SV2C: variants seen among roughly 807,000 people sequenced by gnomAD.
The protein encoded by SV2C is synaptic vesicle glycoprotein 2C.
Under a neutral mutation model 79.7 loss-of-function variants are expected in SV2C, and 49 were observed. That is an observed-to-expected ratio of 0.61 (90% CI 0.49 to 0.78). SV2C has a LOEUF of 0.78. Ranked by LOEUF, SV2C falls within the 30% of genes least tolerant of loss-of-function variation. The pLI is 0.00. For synonymous variants in SV2C, 334 were observed against 333.2 expected, an observed-to-expected ratio of 1.00 and a Z score of -0.03; for missense variants, 833 against 912.9, an observed-to-expected ratio of 0.91 and a Z score of 1.13.
chr5:76,127,873 C>T (rs1266294190), intron 1 of SV2C, among the ~76,000 whole-genome samples: 3 of 152,156 alleles, frequency 2.0e-5, no homozygotes, highest in African/African-American at 4.8e-5. Context: ...CTGAAGCTTG[C>T]TCCACGGTAG....
At chr5:75,869,027 A>G in the SV2C span, among the ~76,000 whole-genome samples, 2 of 152,228 alleles carry the variant, frequency 1.3e-5, no homozygotes, top group Non-Finnish European at 2.9e-5. Flanking sequence ...CTTCTGTTTG[A>G]GAAAAGCAGA....
At position 76,324,921 on chromosome 5, in the gene SV2C, G is replaced by A. The variant is rs185407905; in HGVS notation, c.2001-443G>A. Among the ~76,000 whole-genome samples, 3 of 152,226 alleles carry A rather than the reference G, an allele frequency of 2.0e-5. No individual in the cohort carries two copies. In the East Asian group the frequency reaches 5.8e-4, roughly 29 times the overall value. On this transcript the variant is annotated intron_variant, in intron 12 of 12. Coordinates refer to ENST00000502798, the MANE Select transcript of SV2C (RefSeq NM_014979.4). ...ACCTGTAGTCCTAGCTACTCAGGAG[G>A]CTGAGGTGGGAAGATTGCTTGAGCC... is the stretch of plus-strand genomic sequence containing the variant.
chr5:76,276,436 A>G (rs1747023929), intron 4 of SV2C, among the ~76,000 whole-genome samples: 1 of 152,160 alleles, frequency 6.6e-6, no homozygotes, highest in Non-Finnish European at 1.5e-5. Flanking sequence ...TCAGGGCTCA[A>G]GTGATCCTCC....
intron 2 of SV2C, among the ~76,000 whole-genome samples, chr5:76,159,775 A>G (rs1742843446): frequency 6.6e-6 from 1 of 152,082 alleles, no homozygotes; most frequent in African/African-American, 2.4e-5. Context: ...AACTAATTAC[A>G]TCTGTAATGA....
rs17673879 is a variant in SV2C, at chr5:76,131,038, T to C, written c.-101-612T>C. On this transcript the variant is annotated intron_variant, in intron 1 of 12. Transcript: ENST00000502798. ...TGACAATCCTGTGGATATGACACTA[T>C]GCTATGGGAATATACTCCTTGCCAG... Among the ~76,000 whole-genome samples, 365 of 152,300 alleles carry C rather than the reference T, an allele frequency of 2.4e-3. 15 individuals are homozygous for C. In the East Asian group the frequency reaches 0.068, roughly 28 times the overall value.
In SV2C at chr5:76,090,886, G is replaced by A. The variant is rs139856598; in HGVS notation, c.-102+7374G>A. On this transcript the variant is annotated intron_variant, in intron 1 of 12. Coordinates refer to ENST00000502798, the MANE Select transcript of SV2C (RefSeq NM_014979.4). ...TGAGTCACGCAGCACGGAAGTTTCT[G>A]CAGCAAGGAACAGCCATGTATTTTG... Among the ~76,000 whole-genome samples, 357 of 152,292 alleles carry A rather than the reference G, an allele frequency of 2.3e-3. 3 individuals are homozygous for A. Among genetic ancestry groups the A allele is most frequent in the African/African-American group, 8.2e-3 (342 of 41,552 alleles).
At chr5:76,303,365 G>T (rs1449856998) in intron 12 of SV2C, among the ~76,000 whole-genome samples, 1 of 152,248 alleles carries the variant, frequency 6.6e-6, no homozygotes, top group Non-Finnish European at 1.5e-5. Flanking sequence ...ACAGAGCTTA[G>T]ATGTGGATTA....
intron 1 of SV2C, among the ~76,000 whole-genome samples, chr5:76,100,241 G>C (rs1747694478): frequency 6.6e-6 from 1 of 152,164 alleles, no homozygotes; most frequent in South Asian, 2.1e-4. Context: ...AGCTATGCTA[G>C]ATGAAATAAA....
In SV2C at chr5:76,120,995, G is replaced by T. The variant is rs1378681344; in HGVS notation, c.-101-10655G>T. 2.0e-5 allele frequency among the ~76,000 whole-genome samples: 3 copies of T among 151,056 alleles called. 1 individual carries two copies. In the East Asian group the frequency reaches 5.8e-4, roughly 29 times the overall value. On this transcript the variant is annotated intron_variant, in intron 1 of 12. Transcript: ENST00000502798. ...TTACAGTCCCACCAACAGTGTAAAA[G>T]TGTTCCTATTTCTCCACATCCTCTC... is the stretch of plus-strand genomic sequence containing the variant.
intron 1 of SV2C, among the ~76,000 whole-genome samples, chr5:76,088,801 A>T (rs192685295): frequency 0.03 from 4,493 of 150,774 alleles, 116 homozygotes; most frequent in African/African-American, 0.057. Context: ...CTTTTTTTTA[A>T]AAAAAAATGG....
intron 4 of SV2C, among the ~76,000 whole-genome samples, chr5:76,263,857 A>AT (rs1746560713): frequency 6.6e-6 from 1 of 151,902 alleles, no homozygotes; most frequent in Admixed American, 6.6e-5. Flanking sequence ...TGCCCTTAAC[A>AT]TTTTTTCCTT....
At chr5:75,883,841 AT>A in the SV2C span, among the ~76,000 whole-genome samples, 4 of 134,394 alleles carry the variant, frequency 3.0e-5, no homozygotes, top group African/African-American at 1.4e-4. Flanking sequence ...GTATAATAAT[AT>A]TTAAAAAAAA....
the SV2C span, among the ~76,000 whole-genome samples, chr5:75,897,877 A>G: frequency 0.012 from 1,805 of 149,810 alleles, 25 homozygotes; most frequent in African/African-American, 0.035. Flanking sequence ...TTTGTCTGTT[A>G]TTGGTGTATA....
At chr5:76,170,156 A>G (rs1743178101) in intron 2 of SV2C, among the ~76,000 whole-genome samples, 1 of 150,406 alleles carries the variant, frequency 6.6e-6, no homozygotes, top group African/African-American at 2.5e-5. Flanking sequence ...AGTAGTTGTA[A>G]CATTAGGTTG....
the SV2C span, among the ~76,000 whole-genome samples, chr5:75,992,251 T>C: frequency 3.3e-5 from 5 of 152,060 alleles, no homozygotes; most frequent in African/African-American, 1.2e-4. Context: ...GATATGATTT[T>C]TCCATTTTGC....
the SV2C span, among the ~76,000 whole-genome samples, chr5:76,028,731 G>A: frequency 6.6e-6 from 1 of 152,160 alleles, no homozygotes; most frequent in Non-Finnish European, 1.5e-5. Flanking sequence ...GACACTTTAG[G>A]ATGGATAATT....
chr5:75,896,294 A>G, the SV2C span, among the ~76,000 whole-genome samples: 1 of 143,874 alleles, frequency 7.0e-6, no homozygotes, highest in East Asian at 2.1e-4. Context: ...ATTCCCACCT[A>G]TGAGTGAGAA....
chr5:75,851,585 GAAAA>G, the SV2C span, among the ~76,000 whole-genome samples: 1 of 151,768 alleles, frequency 6.6e-6, no homozygotes, highest in Non-Finnish European at 1.5e-5. Flanking sequence ...TTACAAGAAA[GAAAA>G]GTCTTTCATA....
the SV2C span, among the ~76,000 whole-genome samples, chr5:75,894,609 C>G: frequency 6.6e-6 from 1 of 152,040 alleles, no homozygotes; most frequent in South Asian, 2.1e-4. Context: ...TTTATTTAAC[C>G]TGAGTCAGAG....
Sources: allele counts gnomAD v4.1 joint callset (sites outside exome capture counted in the v4.1 genomes callset), GRCh38; gene constraint gnomAD v4.1.1; transcripts MANE v1.5; gene names NCBI Gene and HGNC (gene_info 2026-07-23, HGNC 2026-07-21).